Variants in TBC1D1 observed in about 807,000 individuals in gnomAD.
The protein encoded by TBC1D1 is TBC1 (tre-2/USP6, BUB2, cdc16) domain family, member 1.
TBC1D1 carries 89 observed loss-of-function variants against 125.6 expected under a neutral mutation model. The observed-to-expected ratio is 0.71, with a 90% CI of 0.60 to 0.85. The LOEUF (loss-of-function observed/expected upper bound fraction) is 0.85, where lower values mean the gene tolerates loss of function less well. Among genes scored for constraint, TBC1D1 ranks in the 40% least tolerant of loss-of-function variants. The pLI, the probability that TBC1D1 is intolerant of heterozygous loss-of-function variation, is 0.00. For synonymous variants in TBC1D1, 565 were observed against 564.1 expected (o/e 1.00, Z -0.02); for missense variants, 1,377 against 1,469.2 (o/e 0.94, Z 1.03).
intron 2 of TBC1D1, among the ~76,000 whole-genome samples, chr4:37,939,223 C>T (rs1428952235): frequency 6.6e-6 from 1 of 152,168 alleles, no homozygotes; most frequent in East Asian, 1.9e-4. Context: ...CCATTCTAAC[C>T]AGTGTGAGAT....
chr4:38,065,518 C>G (rs978654545), intron 12 of TBC1D1, among the ~76,000 whole-genome samples: 9 of 152,120 alleles, frequency 5.9e-5, no homozygotes, highest in African/African-American at 1.9e-4. Context: ...GGCAACAAAG[C>G]CTATTTTCTT....
intron 17 of TBC1D1, among the ~76,000 whole-genome samples, chr4:38,124,438 C>T (rs1313161192): frequency 1.3e-5 from 2 of 152,158 alleles, no homozygotes; most frequent in African/African-American, 4.8e-5. Flanking sequence ...TTCTTTATTC[C>T]ATTATCATGT....
intron 2 of TBC1D1, among the ~76,000 whole-genome samples, chr4:37,914,072 C>G (rs1469907009): frequency 1.3e-5 from 2 of 152,152 alleles, no homozygotes; most frequent in Non-Finnish European, 2.9e-5. Context: ...CTCTTCTTCT[C>G]AATTCTGATT....
At chr4:38,004,090 G>A (rs865998308) in intron 2 of TBC1D1, among the ~76,000 whole-genome samples, 3 of 152,324 alleles carry the variant, frequency 2.0e-5, no homozygotes, top group Middle Eastern at 3.4e-3. Flanking sequence ...AGTGCTTGCA[G>A]CTTATTTCAG....
intron 2 of TBC1D1, among the ~76,000 whole-genome samples, chr4:37,935,571 T>G (rs1030837046): frequency 1.3e-5 from 2 of 152,230 alleles, no homozygotes; most frequent in South Asian, 2.1e-4. Flanking sequence ...ATTTCTCATC[T>G]GGACTACTTT....
At chr4:38,045,551 T>C (rs1006711303) in intron 9 of TBC1D1, among the ~76,000 whole-genome samples, 1 of 152,204 alleles carries the variant, frequency 6.6e-6, no homozygotes, top group Non-Finnish European at 1.5e-5. Flanking sequence ...ATTTTCCTTA[T>C]AGACGAATTG....
At chr4:37,992,990 G>A (rs1736960275) in intron 2 of TBC1D1, among the ~76,000 whole-genome samples, 1 of 151,830 alleles carries the variant, frequency 6.6e-6, no homozygotes, top group South Asian at 2.1e-4. Flanking sequence ...TTTTAGTAGA[G>A]ATGGGGTTTC....
At chr4:37,934,463 G>A (rs1184590602) in intron 2 of TBC1D1, among the ~76,000 whole-genome samples, 1 of 152,188 alleles carries the variant, frequency 6.6e-6, no homozygotes, top group African/African-American at 2.4e-5. Flanking sequence ...GTCACAGGCT[G>A]GGCGAGGGCA....
intron 7 of TBC1D1, among the ~76,000 whole-genome samples, chr4:38,031,524 G>T (rs1746132087): frequency 1.3e-5 from 2 of 152,196 alleles, no homozygotes; most frequent in Admixed American, 1.3e-4. Flanking sequence ...GTGTCCAAGT[G>T]AGTGTTGTCT....
At chr4:37,992,050 G>T (rs1012928429) in intron 2 of TBC1D1, among the ~76,000 whole-genome samples, 2 of 152,214 alleles carry the variant, frequency 1.3e-5, no homozygotes, top group African/African-American at 4.8e-5. Flanking sequence ...GTTGAGTGGA[G>T]CCCCATTGGT....
intron 2 of TBC1D1, among the ~76,000 whole-genome samples, chr4:37,944,384 C>T (rs1726213440): frequency 6.6e-6 from 1 of 152,230 alleles, no homozygotes; most frequent in Non-Finnish European, 1.5e-5. Context: ...ACATTTAAAT[C>T]TGCAGAGGTT....
Position 38,115,767 on chromosome 4 carries a change from C to T in TBC1D1, c.2615C>T (p.Ser872Leu), listed in dbSNP as rs1312522146. The T allele has an allele frequency of 1.1e-5, 18 of 1,614,172 alleles. No individual in the cohort carries two copies. The highest frequency in any genetic ancestry group is 3.3e-5 in the Admixed American group (2 of 60,020). The change falls in exon 16 of 20, where the codon TCG becomes TTG. Residue 872 changes from serine (S) to leucine (L), a missense_variant. Ser to Leu is a moderately radical substitution (Grantham distance 145). Coordinates refer to ENST00000261439, the MANE Select transcript of TBC1D1 (RefSeq NM_015173.4). Reference sequence around the variant, plus strand: ...GCCCAGCTTGGAGCAGGACAGCTATCGCTTTACAACATTTTGAAGGCCTAC... The same window carrying T: ...GCCCAGCTTGGAGCAGGACAGCTATTGCTTTACAACATTTTGAAGGCCTAC...
intron 2 of TBC1D1, among the ~76,000 whole-genome samples, chr4:37,946,567 G>C (rs1011802342): frequency 6.6e-6 from 1 of 152,160 alleles, no homozygotes. Context: ...ATTTTTTCAT[G>C]TTCCAAAGAG....
Position 38,052,728 on chromosome 4 carries a change from G to GCACACACACACACACA in TBC1D1, c.1911-1450_1911-1435dup, listed in dbSNP as rs56153191. ...TACACACACACGCGCGCGCGCGCGC[G>GCACACACACACACACA]CACACACACACACACACACACACAC... On this transcript the variant is annotated intron_variant, in intron 11 of 19. Coordinates refer to ENST00000261439, the MANE Select transcript of TBC1D1 (RefSeq NM_015173.4). Among the ~76,000 whole-genome samples, 281 of 118,312 alleles carry GCACACACACACACACA rather than the reference G, an allele frequency of 2.4e-3. 1 individual carries two copies. Among genetic ancestry groups the GCACACACACACACACA allele is most frequent in the Middle Eastern group, 0.013 (3 of 240 alleles). The allele number at this position is 118,312 out of a possible 152,430, so 77.6% of individuals were successfully genotyped here.
chr4:38,105,897 C>T (rs746612355), intron 15 of TBC1D1, among the ~76,000 whole-genome samples: 9 of 152,118 alleles, frequency 5.9e-5, no homozygotes, highest in Admixed American at 3.3e-4. Flanking sequence ...CTGTGATGAA[C>T]GTGTGAGTAC....
At chr4:38,024,852 A>G (rs1049996459) in intron 6 of TBC1D1, among the ~76,000 whole-genome samples, 6 of 152,254 alleles carry the variant, frequency 3.9e-5, no homozygotes, top group African/African-American at 1.4e-4. Context: ...ATGTGGCCAC[A>G]CAAAGAAAGA....
intron 12 of TBC1D1, among the ~76,000 whole-genome samples, chr4:38,072,054 G>A (rs1754794976): frequency 6.6e-6 from 1 of 152,192 alleles, no homozygotes; most frequent in African/African-American, 2.4e-5. Flanking sequence ...CTTTGGGCCT[G>A]CTACCCACCC....
chr4:38,098,070 C>G lies in TBC1D1; in HGVS notation c.2398+1980C>G, dbSNP rs1054061325. On this transcript the variant is annotated intron_variant, in intron 14 of 19. Transcript: ENST00000261439. ...AGAACACGTATGCAGTGGTGAAGAC[C>G]GAAGTTCTGGATGGACACCAGCTTT... Among the ~76,000 whole-genome samples, 3 of 152,286 alleles carry G rather than the reference C, an allele frequency of 2.0e-5. No individual in the cohort carries two copies. The East Asian group carries it at 5.8e-4, about 29-fold the overall frequency.
chr4:38,032,888 G>A (rs1746447632), intron 7 of TBC1D1, among the ~76,000 whole-genome samples: 1 of 151,428 alleles, frequency 6.6e-6, no homozygotes, highest in African/African-American at 2.4e-5. Flanking sequence ...TGCTACTATC[G>A]AGGATGGTGA....
Sources: allele counts gnomAD v4.1 joint callset (sites outside exome capture counted in the v4.1 genomes callset), GRCh38; gene constraint gnomAD v4.1.1; transcripts MANE v1.5; gene names NCBI Gene and HGNC (gene_info 2026-07-23, HGNC 2026-07-21).